Variants in ADD3 observed in about 807,000 individuals in gnomAD.
ADD3 encodes the protein gamma-adducin.
ADD3 carries 25 observed loss-of-function variants against 80.2 expected under a neutral mutation model. That is an observed-to-expected ratio of 0.31 (90% confidence interval 0.23 to 0.44). The LOEUF is 0.44. ADD3 is among the 20% of genes least tolerant of loss of function. ADD3 has a pLI of 1.00. For missense variants in ADD3, 829 were observed against 847.5 expected, an observed-to-expected ratio of 0.98 and a Z score of 0.27; for synonymous variants, 284 against 289.6, an observed-to-expected ratio of 0.98 and a Z score of 0.20.
At chr10:110,048,099 G>C (rs1213258693) in intron 1 of ADD3, among the ~76,000 whole-genome samples, 1 of 152,118 alleles carries the variant, frequency 6.6e-6, no homozygotes, top group African/African-American at 2.4e-5. Flanking sequence ...TCCTGTTCTT[G>C]TGGTTGTCCT....
At chr10:109,999,312 C>T (rs1276430389) in intron 1 of ADD3, among the ~76,000 whole-genome samples, 1 of 152,170 alleles carries the variant, frequency 6.6e-6, no homozygotes, top group Non-Finnish European at 1.5e-5. Flanking sequence ...ATGAGCTTGA[C>T]CCTGAGCAAA....
In ADD3 at chr10:110,119,229, G is replaced by C; in HGVS notation, c.736G>C (p.Gly246Arg). 1.2e-6 allele frequency: 2 copies of C among 1,614,100 alleles called. No individual in the cohort carries two copies. Among genetic ancestry groups the C allele is most frequent in the Non-Finnish European group, 1.7e-6 (2 of 1,179,984 alleles). ...CAAATAGGTATCCTCCATGAAATGT[G>C]GGATCCTTCCAATTTCTCAAGAGTC... is the stretch of plus-strand genomic sequence containing the variant. ...ATAAVSSMKC[G>R]ILPISQESLL... The change falls in exon 7 of 15, where the codon GGG (glycine) becomes CGG (arginine). Residue 246 changes from glycine to arginine, a missense_variant. By Grantham distance (125) the Gly-to-Arg change is moderately radical (BLOSUM62 -2). Transcript: ENST00000356080.
chr10:110,100,174 C>T (rs949771525), intron 1 of ADD3, among the ~76,000 whole-genome samples: 1 of 152,006 alleles, frequency 6.6e-6, no homozygotes, highest in African/African-American at 2.4e-5. Context: ...TGGTGAAACC[C>T]CATCTCTACT....
chr10:110,124,253 C>G lies in ADD3; in HGVS notation c.1380C>G (p.Thr460=). 1 of 1,614,090 alleles carries G rather than the reference C, an allele frequency of 6.2e-7. No homozygotes were observed. Among genetic ancestry groups the G allele is most frequent in the Non-Finnish European group, 8.5e-7 (1 of 1,179,934 alleles). The change falls in exon 10 of 15, where the codon ACC becomes ACG. Residue 460 remains threonine, a synonymous_variant. Transcript: ENST00000356080. ...CTGAGGAGTCTCGGAACGGAGAAAC[C>G]AGTCCCCGAACCAAAATCACGGTAT... The part of the protein sequence containing the change: ...NVPEESRNGE[T]SPRTKITWMK...
At chr10:110,120,843 C>A (rs890538879) in intron 8 of ADD3, among the ~76,000 whole-genome samples, 3 of 152,076 alleles carry the variant, frequency 2.0e-5, no homozygotes, top group African/African-American at 7.2e-5. Context: ...AGAAATAACG[C>A]CACATACCTA....
Position 110,135,216 on chromosome 10 carries a change from TTGG to T in ADD3, c.*1602_*1604del, listed in dbSNP as rs1270099504. ...CTACTGGAATCAGTGTTTTAATCTC[TTGG>T]TGGAAACTTTCAGTTGCTTAACTCT... is the stretch of plus-strand genomic sequence containing the variant. On this transcript the variant is annotated 3_prime_UTR_variant, in exon 15 of 15. Coordinates refer to ENST00000356080, the MANE Select transcript of ADD3 (RefSeq NM_016824.5). 3 of 152,650 alleles carry T rather than the reference TTGG, an allele frequency of 2.0e-5. No individual in the cohort carries two copies. The highest frequency in any genetic ancestry group is 7.2e-5 in the African/African-American group (3 of 41,462). 9.5% of individuals were successfully genotyped at this position (152,650 alleles called of 1,614,324 possible). A position where few individuals can be genotyped will look rare whatever the true frequency, so the allele number is the denominator to read the frequency against.
At chr10:110,131,275 A>G (rs1262780870) in intron 13 of ADD3, among the ~76,000 whole-genome samples, 2 of 152,232 alleles carry the variant, frequency 1.3e-5, no homozygotes, top group Non-Finnish European at 1.5e-5. Flanking sequence ...ACAATTGACT[A>G]CTAGCTCCCT....
At chr10:110,005,971 A>G (rs559745562), upstream of ADD3, 315 of 239,040 alleles carry the variant, frequency 1.3e-3, 3 homozygotes, top group African/African-American at 6.3e-3. Flanking sequence ...CAGCATTGAG[A>G]GAAGCTGCTG....
At chr10:110,008,784 T>G (rs4620656) in intron 1 of ADD3, among the ~76,000 whole-genome samples, 4 of 151,476 alleles carry the variant, frequency 2.6e-5, no homozygotes, top group African/African-American at 9.7e-5. Context: ...TTAAAAAAAA[T>G]TTTTTTTGTT....
intron 1 of ADD3, among the ~76,000 whole-genome samples, chr10:110,032,477 C>A (rs752500362): frequency 5.9e-4 from 90 of 152,248 alleles, no homozygotes; most frequent in Non-Finnish European, 1.0e-3. Flanking sequence ...TAAAACCAGA[C>A]TGGGGAAGTG....
chr10:110,096,343 C>G (rs999183141), intron 1 of ADD3, among the ~76,000 whole-genome samples: 1 of 152,154 alleles, frequency 6.6e-6, no homozygotes. Context: ...ACTGCCTTGT[C>G]AGCCTCCACT....
Position 110,027,519 on chromosome 10 carries a change from G to A in ADD3, c.-30+19220G>A, listed in dbSNP as rs957518332. Among the ~76,000 whole-genome samples the A allele has an allele frequency of 6.6e-5, 10 of 152,274 alleles. No individual in the cohort carries two copies. In the South Asian group the frequency reaches 1.7e-3, roughly 25 times the overall value. ...TATATTTAAAATATAATTTCAACAT[G>A]TAATCAGCATAAAAAATTTTTACTC... On this transcript the variant is annotated intron_variant, in intron 1 of 14. Coordinates refer to ENST00000356080, the MANE Select transcript of ADD3 (RefSeq NM_016824.5).
At chr10:110,065,563 A>G (rs553626064) in intron 1 of ADD3, among the ~76,000 whole-genome samples, 6 of 3,000 alleles carry the variant, frequency 2.0e-3, no homozygotes, top group Admixed American at 4.3e-3. Context: ...TTTTTGAGAA[A>G]GAATCTCACT....
intron 8 of ADD3, 123 bp from the exon 9 acceptor site, chr10:110,121,987 T>C (rs558161224): frequency 2.7e-6 from 2 of 741,428 alleles, no homozygotes; most frequent in South Asian, 5.4e-5. Context: ...TTGTCTTTGT[T>C]GTTAGTAGCC....
chr10:110,018,526 C>CAAA lies in ADD3; in HGVS notation c.-30+10250_-30+10252dup, dbSNP rs59949041. Among the ~76,000 whole-genome samples, 314 of 49,142 alleles carry CAAA rather than the reference C, an allele frequency of 6.4e-3. 6 individuals are homozygous for CAAA. The highest frequency in any genetic ancestry group is 9.8e-3 in the Non-Finnish European group (205 of 20,994). 32.2% of individuals were successfully genotyped at this position (49,142 alleles called of 152,430 possible). A position where few individuals can be genotyped will look rare whatever the true frequency, so the allele number is the denominator to read the frequency against. On this transcript the variant is annotated intron_variant, in intron 1 of 14. Transcript: ENST00000356080. ...CTGGGTGACAAGTGAGACTTTGTCT[C>CAAA]AAAAAAAAAAAAAAAAAAAAAAAAA...
chr10:110,017,176 A>G (rs533160116), intron 1 of ADD3, among the ~76,000 whole-genome samples: 1 of 152,340 alleles, frequency 6.6e-6, no homozygotes, highest in South Asian at 2.1e-4. Flanking sequence ...GCACTATGCT[A>G]TATACTGCTG....
intron 10 of ADD3, 154 bp from the exon 11 acceptor site, chr10:110,125,672 G>T: frequency 4.6e-6 from 2 of 438,722 alleles, no homozygotes; most frequent in Non-Finnish European, 7.9e-6. Flanking sequence ...TTTCTAACTA[G>T]TATGAGATGA....
At chr10:110,111,982 T>C (rs531814536) in intron 2 of ADD3, among the ~76,000 whole-genome samples, 1 of 152,324 alleles carries the variant, frequency 6.6e-6, no homozygotes, top group African/African-American at 2.4e-5. Flanking sequence ...TCAACTCTTA[T>C]TAATTTGCTT....
At chr10:110,098,334 T>G (rs1437207885) in intron 1 of ADD3, among the ~76,000 whole-genome samples, 1 of 152,216 alleles carries the variant, frequency 6.6e-6, no homozygotes, top group Non-Finnish European at 1.5e-5. Context: ...GCTCTGTGTT[T>G]AGAGTATCTG....
Sources: gnomAD v4.1 joint callset for allele counts (sites outside exome capture counted in the v4.1 genomes callset) on GRCh38, gnomAD v4.1.1 for gene constraint, MANE v1.5 for transcripts, NCBI Gene and HGNC (gene_info 2026-07-23, HGNC 2026-07-21) for gene names.